The following KCNAB2 variants were observed in gnomAD, a reference collection of about 807,000 sequenced individuals.
KCNAB2 encodes potassium voltage-gated channel subfamily A regulatory beta subunit 2, also known as voltage-gated potassium channel subunit beta-2.
KCNAB2 carries 29 observed loss-of-function variants against 63.6 expected under a neutral mutation model. That is an observed-to-expected ratio of 0.46 (90% CI 0.34 to 0.62). The LOEUF is 0.62. KCNAB2 is among the 20% of genes least tolerant of loss of function. The pLI is 0.01. For missense variants in KCNAB2, 359 were observed against 563.9 expected (o/e 0.64, Z 3.68); for synonymous variants, 222 against 224.2 (o/e 0.99, Z 0.09).
chr1:6,045,715 G>T (rs1326604181), upstream of KCNAB2, among the ~76,000 whole-genome samples: 1 of 152,154 alleles, frequency 6.6e-6, no homozygotes, highest in East Asian at 1.9e-4. The surrounding 1 kb of genome is among the most constrained non-coding windows in gnomAD (Gnocchi z 4.8). Flanking sequence ...GGAAGCCACA[G>T]GCTCTGTGTC....
chr1:6,082,996 G>A (rs1273642795), intron 5 of KCNAB2, among the ~76,000 whole-genome samples: 2 of 152,172 alleles, frequency 1.3e-5, no homozygotes, highest in South Asian at 2.1e-4. Flanking sequence ...AACTGCAGCG[G>A]GGCCCAGAGC....
chr1:6,083,978 A>G (rs377090485), intron 5 of KCNAB2, among the ~76,000 whole-genome samples: 1 of 152,144 alleles, frequency 6.6e-6, no homozygotes, highest in African/African-American at 2.4e-5. Context: ...TCCTTTCCTG[A>G]TCCCCAAATC....
chr1:6,066,348 T>G (rs1175949728), intron 2 of KCNAB2, among the ~76,000 whole-genome samples: 1 of 152,124 alleles, frequency 6.6e-6, no homozygotes, highest in African/African-American at 2.4e-5. Flanking sequence ...CTCCTCACTT[T>G]CGAGAGCGCA....
At chr1:6,030,031 A>G (rs1278518724), upstream of KCNAB2, among the ~76,000 whole-genome samples, 1 of 152,224 alleles carries the variant, frequency 6.6e-6, no homozygotes, top group Non-Finnish European at 1.5e-5. Flanking sequence ...AAAGAGACAG[A>G]TAATGTCTTT....
chr1:6,085,621 G>A, intron 6 of KCNAB2: 1 of 208,826 alleles, frequency 4.8e-6, no homozygotes, highest in Non-Finnish European at 9.6e-6. Context: ...TGGGTGCAAA[G>A]CACTTCCACT....
At chr1:6,018,168 C>A (rs1658623951) in intron 1 of KCNAB2, among the ~76,000 whole-genome samples, 1 of 151,104 alleles carries the variant, frequency 6.6e-6, no homozygotes, top group African/African-American at 2.4e-5. Flanking sequence ...TCAGCTCAAG[C>A]AATCCTCCCA....
upstream of KCNAB2, among the ~76,000 whole-genome samples, chr1:6,045,289 G>A (rs1384637976): frequency 6.6e-6 from 1 of 152,220 alleles, no homozygotes; most frequent in Non-Finnish European, 1.5e-5. This position sits in a 1 kb window ranked among gnomAD's most constrained non-coding sequence, Gnocchi z 4.8. Context: ...GGAAGATGAT[G>A]TCACGCTGGG....
At chr1:6,040,627 C>G in exon 2 of KCNAB2, 1 of 1,613,486 alleles carries the variant, frequency 6.2e-7, no homozygotes. Context: ...CAGACGGGCT[C>G]CCCCGGGATG....
At chr1:6,060,687 A>AGACCTGC (rs1662234370) in intron 2 of KCNAB2, among the ~76,000 whole-genome samples, 2 of 152,074 alleles carry the variant, frequency 1.3e-5, no homozygotes. Context: ...GGCGGATCAC[A>AGACCTGC]AGGTCAAGAG....
chr1:6,027,235 TG>T (rs1659256443), intron 1 of KCNAB2: 1 of 23,554 alleles, frequency 4.2e-5, no homozygotes, highest in South Asian at 1.1e-3. Context: ...TGTGTGTGTG[TG>T]TGTGTGTGTG....
chr1:6,085,890 C>T (rs1664657577), intron 6 of KCNAB2: 1 of 986,348 alleles, frequency 1.0e-6, no homozygotes, highest in Non-Finnish European at 1.2e-6. Context: ...TGTCACACTC[C>T]TCTGGGAAGT....
rs1193800979 is a variant in KCNAB2 at position 6,099,127 on chromosome 1, G to A, written c.*553G>A. 1 of 152,864 alleles carries A rather than the reference G, an allele frequency of 6.5e-6. No homozygotes were observed. Among genetic ancestry groups the A allele is most frequent in the Non-Finnish European group, 1.5e-5 (1 of 68,600 alleles). The allele number at this position is 152,864 out of a possible 1,614,324, so 9.5% of individuals were successfully genotyped here. ...ACCTCCCACTTTCCAAGGGCTCCAGGAATCTGGGGCCTGACCACAGATTCC... is the reference window on the plus strand; with the variant it reads ...ACCTCCCACTTTCCAAGGGCTCCAGAAATCTGGGGCCTGACCACAGATTCC... On this transcript the variant is annotated 3_prime_UTR_variant, in exon 16 of 16. Transcript: ENST00000378083.
At chr1:6,097,527 C>A in intron 15 of KCNAB2, 170 bp downstream of exon 15, 3 of 1,176,568 alleles carry the variant, frequency 2.5e-6, no homozygotes, top group South Asian at 1.3e-5. Flanking sequence ...CAGGAACAGA[C>A]ATGAACACTA....
Position 6,074,883 on chromosome 1 carries a change from G to T in KCNAB2, c.300+1113G>T, listed in dbSNP as rs1230316538. 6.6e-6 allele frequency among the ~76,000 whole-genome samples: 1 copy of T among 151,890 alleles called. No individual in the cohort carries two copies. The highest frequency in any genetic ancestry group is 1.5e-5 in the Non-Finnish European group (1 of 67,982). On this transcript the variant is annotated intron_variant, in intron 4 of 15. Transcript: ENST00000378083. This position sits in a 1 kb window ranked among gnomAD's most constrained non-coding sequence, Gnocchi z 4.9. ...GCAGGAGAATTGCTTGAACCCAGAAGGGGGAGGTTGCAGTGAGCCGAGATC... is the reference window on the plus strand; with the variant it reads ...GCAGGAGAATTGCTTGAACCCAGAATGGGGAGGTTGCAGTGAGCCGAGATC...
chr1:6,071,210 G>A lies in KCNAB2; in HGVS notation c.219-1545G>A, dbSNP rs1356970074. Among the ~76,000 whole-genome samples, 1 of 152,200 alleles carries A rather than the reference G, an allele frequency of 6.6e-6. No individual in the cohort carries two copies. The highest frequency in any genetic ancestry group is 1.5e-5 in the Non-Finnish European group (1 of 68,052). ...CCTTCCCAGGGGCCAGGCTTGGACA[G>A]GAAAGAGGATAAACTGAGGACATCG... On this transcript the variant is annotated intron_variant, in intron 2 of 15. Transcript: ENST00000378083. This position sits in a 1 kb window ranked among gnomAD's most constrained non-coding sequence, Gnocchi z 8.5.
intron 1 of KCNAB2, among the ~76,000 whole-genome samples, chr1:5,993,071 C>G (rs1043758063): frequency 6.7e-6 from 1 of 150,368 alleles, no homozygotes; most frequent in Admixed American, 6.6e-5. Flanking sequence ...CTGCCCCTGC[C>G]GCCGTCCCTC....
chr1:6,066,104 G>A (rs1662725222), intron 2 of KCNAB2, among the ~76,000 whole-genome samples: 1 of 152,202 alleles, frequency 6.6e-6, no homozygotes, highest in African/African-American at 2.4e-5. Context: ...CAGCCTCAAG[G>A]GCCGGGGCCC....
At chr1:5,997,148 G>A (rs1430473657) in intron 1 of KCNAB2, among the ~76,000 whole-genome samples, 4 of 152,202 alleles carry the variant, frequency 2.6e-5, no homozygotes, top group East Asian at 1.9e-4. Flanking sequence ...CCAGTCGGAC[G>A]AGGCGCCCCA....
intron 1 of KCNAB2, among the ~76,000 whole-genome samples, chr1:6,048,460 G>A (rs1661119408): frequency 1.3e-5 from 2 of 152,192 alleles, no homozygotes; most frequent in African/African-American, 2.4e-5. Flanking sequence ...GAGCGGTCAA[G>A]GTGCCTGCCT....
Sources: gnomAD v4.1 joint callset for allele counts (sites outside exome capture counted in the v4.1 genomes callset) on GRCh38, gnomAD v4.1.1 for gene constraint, Gnocchi (gnomAD v3.1) non-coding constraint, MANE v1.5 for transcripts, NCBI Gene and HGNC (gene_info 2026-07-23, HGNC 2026-07-21) for gene names.